KIF3B: variants seen among roughly 807,000 people sequenced by gnomAD.
The protein encoded by KIF3B is kinesin-like protein KIF3B.
A neutral mutation model predicts 74.3 loss-of-function variants in KIF3B; 38 were observed. The ratio of observed to expected loss-of-function variants is 0.51; its 90% CI spans 0.39 to 0.67. The LOEUF (loss-of-function observed/expected upper bound fraction) is 0.67. Among genes scored for constraint, KIF3B ranks in the 30% least tolerant of loss-of-function variants. The pLI is 0.00. For missense variants in KIF3B, 649 were observed against 932.0 expected (o/e 0.70, Z 3.95); for synonymous variants, 326 against 342.5 (o/e 0.95, Z 0.53).
chr20:32,330,251 G>A lies in KIF3B; in HGVS notation c.2079G>A (p.Gln693=), dbSNP rs766823345. The change falls in exon 8 of 9, where the codon CAG becomes CAA. Residue 693 remains glutamine, a synonymous_variant. Coordinates refer to ENST00000375712, the MANE Select transcript of KIF3B (RefSeq NM_004798.4). ...KVQAALDAAL[Q]DEDEIQVDAS... ...AGGCTGCATTGGATGCGGCTCTGCAGGATGAAGATGAGATACAGGTGGATG... is the reference window on the plus strand; with the variant it reads ...AGGCTGCATTGGATGCGGCTCTGCAAGATGAAGATGAGATACAGGTGGATG... The A allele has an allele frequency of 7.4e-6, 12 of 1,614,000 alleles. No individual in the cohort carries two copies. The Admixed American group carries it at 1.5e-4, about 20-fold the overall frequency.
rs138618271 is a variant in KIF3B, at chr20:32,310,596, C to T, written c.819C>T (p.Ser273=). The T allele has an allele frequency of 3.4e-4, 555 of 1,614,088 alleles. 4 individuals carry two copies. The African/African-American group carries it at 4.9e-3, about 14-fold the overall frequency. ...CTACCAAGATCAACCTCTCCCTTTC[C>T]GCTTTGGGTAATGTCATCTCTGCTC... ...KEATKINLSL[S]ALGNVISALV... The change falls in exon 2 of 9, where the codon TCC becomes TCT. Residue 273 remains serine (S), a synonymous_variant. Transcript: ENST00000375712. This position sits in a 1 kb window ranked among gnomAD's most constrained non-coding sequence, Gnocchi z 6.5.
chr20:32,292,583 GAAAAAAAA>G (rs71185398), intron 1 of KIF3B, among the ~76,000 whole-genome samples: 5 of 71,822 alleles, frequency 7.0e-5, no homozygotes, highest in Non-Finnish European at 1.1e-4. Context: ...ACTAAAAATA[GAAAAAAAA>G]AAAAAAAAAA....
chr20:32,312,121 T>C (rs2047803932), intron 2 of KIF3B, among the ~76,000 whole-genome samples: 1 of 63,818 alleles, frequency 1.6e-5, no homozygotes, highest in African/African-American at 3.7e-5. Context: ...TCTTTCTTTC[T>C]TTTTTTTTTT....
chr20:32,319,256 C>T (rs957069538), intron 5 of KIF3B, among the ~76,000 whole-genome samples: 2 of 151,940 alleles, frequency 1.3e-5, no homozygotes, highest in African/African-American at 4.8e-5. Flanking sequence ...CCACCATGCC[C>T]GGCCTCTCCA....
chr20:32,313,924 T>A (rs1258456840), intron 2 of KIF3B, among the ~76,000 whole-genome samples: 2 of 152,152 alleles, frequency 1.3e-5, no homozygotes, highest in Non-Finnish European at 2.9e-5. Flanking sequence ...CCTAGGCTGG[T>A]CTTGAACTCC....
chr20:32,320,908 C>T (rs978630264), intron 5 of KIF3B, among the ~76,000 whole-genome samples: 4 of 151,884 alleles, frequency 2.6e-5, no homozygotes, highest in African/African-American at 9.7e-5. Context: ...CTGCTGTGAA[C>T]ATTCATATTC....
chr20:32,312,224 C>T (rs2047804611), intron 2 of KIF3B, among the ~76,000 whole-genome samples: 1 of 151,736 alleles, frequency 6.6e-6, no homozygotes, highest in East Asian at 1.9e-4. Context: ...CCCACCTCAG[C>T]CTCCCAAGTA....
chr20:32,300,839 T>TTTGTTG (rs145346172), intron 1 of KIF3B, among the ~76,000 whole-genome samples: 76 of 150,816 alleles, frequency 5.0e-4, no homozygotes, highest in East Asian at 1.8e-3. Flanking sequence ...TGCTGAGGAT[T>TTTGTTG]TTGTTGTTGT....
rs1221124132 is a variant in KIF3B at position 32,326,829 on chromosome 20, G to A, written c.1807G>A (p.Ala603Thr). The change falls in exon 6 of 9, where the codon GCC becomes ACC. Residue 603 changes from alanine (A) to threonine (T), a missense_variant. Physicochemically the swap from Ala to Thr is moderately conservative, Grantham distance 58. Coordinates refer to ENST00000375712, the MANE Select transcript of KIF3B (RefSeq NM_004798.4). ...LEEKSKIMNRAFFDEEEDHWK... is the reference protein window; with the variant it reads ...LEEKSKIMNRTFFDEEEDHWK... The stretch of plus-strand genomic sequence containing the variant: ...AGAAAAAAGTAAAATTATGAATAGA[G>A]CCTTCTTTGATGAAGAGGAAGATCA... 1.3e-6 allele frequency: 2 copies of A among 1,595,720 alleles called. No homozygotes were observed. The highest frequency in any genetic ancestry group is 2.2e-5 in the South Asian group (2 of 89,988).
intron 7 of KIF3B, among the ~76,000 whole-genome samples, chr20:32,329,881 A>C (rs1319415611): frequency 6.6e-6 from 1 of 152,166 alleles, no homozygotes; most frequent in Non-Finnish European, 1.5e-5. Flanking sequence ...GCCAGAGCCA[A>C]ACAGAAGATT....
At chr20:32,299,375 G>A (rs1208384054) in intron 1 of KIF3B, among the ~76,000 whole-genome samples, 11 of 49,176 alleles carry the variant, frequency 2.2e-4, no homozygotes, top group African/African-American at 1.1e-3. Flanking sequence ...TGAATGGTGT[G>A]TGTGTATATA....
intron 5 of KIF3B, among the ~76,000 whole-genome samples, chr20:32,325,800 T>A (rs2047901170): frequency 6.6e-6 from 1 of 151,416 alleles, no homozygotes; most frequent in Non-Finnish European, 1.5e-5. Flanking sequence ...CCTGAGTAGC[T>A]GGGATTATAG....
At chr20:32,317,437 G>A (rs2047833771) in intron 5 of KIF3B, among the ~76,000 whole-genome samples, 1 of 152,098 alleles carries the variant, frequency 6.6e-6, no homozygotes, top group South Asian at 2.1e-4. Context: ...TCTGTCTGAT[G>A]ATAAGAGGGA....
intron 8 of KIF3B, 126 bp from the exon 9 acceptor site, chr20:32,331,097 T>A (rs1290344504): frequency 1.3e-6 from 1 of 744,868 alleles, no homozygotes; most frequent in Non-Finnish European, 2.3e-6. Flanking sequence ...AGTGTAGTGG[T>A]TTTACAGTTG....
chr20:32,327,497 TC>T, intron 6 of KIF3B, 58 bp from the exon 7 acceptor site: 1 of 1,413,662 alleles, frequency 7.1e-7, no homozygotes. Context: ...GTCAGTGTCT[TC>T]CGAGTGCTGG....
chr20:32,290,587 C>T (rs2047686577), intron 1 of KIF3B, among the ~76,000 whole-genome samples: 1 of 151,932 alleles, frequency 6.6e-6, no homozygotes, highest in South Asian at 2.1e-4. Context: ...ATATGTGGTA[C>T]AGGCCAGGCG....
intron 1 of KIF3B, among the ~76,000 whole-genome samples, chr20:32,280,663 C>A (rs2047638106): frequency 7.8e-6 from 1 of 128,884 alleles, no homozygotes; most frequent in East Asian, 2.3e-4. Context: ...TGCAGTGAGC[C>A]AAGATTGCGC....
intron 1 of KIF3B, among the ~76,000 whole-genome samples, chr20:32,300,215 G>A (rs1167917957): frequency 6.6e-6 from 1 of 151,996 alleles, no homozygotes; most frequent in African/African-American, 2.4e-5. Context: ...GTATCCTACT[G>A]CCTCAGCCTC....
intron 1 of KIF3B, among the ~76,000 whole-genome samples, chr20:32,309,195 A>ATT (rs779522474): frequency 1.1e-4 from 14 of 126,572 alleles, no homozygotes; most frequent in African/African-American, 2.6e-4. Flanking sequence ...TGTTGTTGGT[A>ATT]TTTTTTTTTT....
Sources: allele counts gnomAD v4.1 joint callset (sites outside exome capture counted in the v4.1 genomes callset), GRCh38; gene constraint gnomAD v4.1.1; non-coding constraint Gnocchi (gnomAD v3.1); transcripts MANE v1.5; gene names NCBI Gene and HGNC (gene_info 2026-07-23, HGNC 2026-07-21).